The following SETX variants were observed in gnomAD, a reference collection of about 807,000 sequenced individuals.
The protein encoded by SETX is senataxin, also known as helicase senataxin.
SETX carries 90 observed loss-of-function variants against 227.2 expected under a neutral mutation model. The observed-to-expected ratio is 0.40, with a 90% CI of 0.33 to 0.47. SETX has a LOEUF of 0.47. Among genes scored for constraint, SETX ranks in the 20% least tolerant of loss-of-function variants. The pLI is 0.91. For missense variants in SETX, 3,052 were observed against 3,181.5 expected, an observed-to-expected ratio of 0.96 and a Z score of 0.98; for synonymous variants, 1,210 against 1,113.2, an observed-to-expected ratio of 1.09 and a Z score of -1.73.
intron 3 of SETX, 103 bp from the exon 4 acceptor site, chr9:132,346,574 A>T: frequency 1.2e-6 from 1 of 808,046 alleles, no homozygotes; most frequent in South Asian, 1.5e-5. Flanking sequence ...AAAAATTCTG[A>T]AATGTAAAGT....
rs576417621 is a variant in SETX, at chr9:132,327,421, T to C, written c.4177A>G (p.Arg1393Gly). 3.1e-6 allele frequency: 5 copies of C among 1,613,988 alleles called. No individual in the cohort carries two copies. Among genetic ancestry groups the C allele is most frequent in the East Asian group, 4.5e-5 (2 of 44,894 alleles). ...CCTCCTGTACAATTATAATCTGACC[T>C]ATCAGATTCTGGTACAAATATGTCA... ...NSDIFVPESDRSDYNCTGGTE... is the reference protein window; with the variant it reads ...NSDIFVPESDGSDYNCTGGTE... Residue 1393 changes from arginine to glycine, a missense_variant, in exon 10 of 26, where the codon AGG becomes GGG. By Grantham distance (125) the Arg-to-Gly change is moderately radical. Around this residue, in one of 10 missense-constraint regions of SETX, gnomAD observed 1,483 missense variants for 1,312.0 expected, o/e 1.13. Transcript: ENST00000224140.
intron 17 of SETX, 130 bp downstream of exon 17, chr9:132,288,106 G>T (rs1844030954): frequency 2.8e-6 from 2 of 723,318 alleles, no homozygotes; most frequent in South Asian, 3.1e-5. Flanking sequence ...AACCCAGGAA[G>T]GTGAGGCTGC....
At chr9:132,277,228 T>G in intron 21 of SETX, 76 bp from the exon 22 acceptor site, 1 of 1,372,558 alleles carries the variant, frequency 7.3e-7, no homozygotes, top group South Asian at 1.2e-5. Context: ...TACTACAATT[T>G]TTTCTGTGTG....
chr9:132,320,686 C>T (rs377746024), intron 10 of SETX, among the ~76,000 whole-genome samples: 5 of 149,878 alleles, frequency 3.3e-5, no homozygotes, highest in African/African-American at 7.4e-5. Flanking sequence ...TTAAATAAGA[C>T]GGTTGAAATC....
chr9:132,345,310 G>A (rs1248112743), intron 4 of SETX, among the ~76,000 whole-genome samples: 3 of 152,214 alleles, frequency 2.0e-5, no homozygotes, highest in East Asian at 3.8e-4. Context: ...GTCTCTGTCT[G>A]TCACCCAGGC....
chr9:132,310,972 T>C (rs1261345074), intron 11 of SETX, among the ~76,000 whole-genome samples: 2 of 152,122 alleles, frequency 1.3e-5, no homozygotes, highest in Non-Finnish European at 2.9e-5. Flanking sequence ...TTGTTTTTTG[T>C]TTTTGTTTTG....
At chr9:132,317,140 C>A (rs1401225000) in intron 10 of SETX, among the ~76,000 whole-genome samples, 1 of 152,148 alleles carries the variant, frequency 6.6e-6, no homozygotes, top group Non-Finnish European at 1.5e-5. Context: ...AAGTGTTTTC[C>A]ATAAGTGTCT....
rs752617097 is a variant in SETX at position 132,264,530 on chromosome 9, G to A, written c.7743C>T (p.His2581=). The A allele has an allele frequency of 1.9e-6, 3 of 1,614,004 alleles. No individual in the cohort carries two copies. The highest frequency in any genetic ancestry group is 2.2e-5 in the South Asian group (2 of 91,082). ...GCTGCTGTATATGGCTCAGGTCCTGGTGAACGACAGGGAAGCCCGGCTCGC... is the reference window on the plus strand; with the variant it reads ...GCTGCTGTATATGGCTCAGGTCCTGATGAACGACAGGGAAGCCCGGCTCGC... ...PTGEPGFPVV[H]QDLSHIQQPA... is the part of the protein sequence containing the mutation. The change falls in exon 26 of 26, where the codon CAC becomes CAT. Residue 2581 remains histidine, a synonymous_variant. Transcript: ENST00000224140.
In SETX at chr9:132,283,375, G is replaced by A. The variant is rs374110190; in HGVS notation, c.6435C>T (p.Ile2145=). ...TGCAGCAGATGATATGGGACTCTAA[G>A]ATGATGATACTCTGTGTTTTCTGTG... The part of the protein sequence containing the change: ...GRPQKTQSII[I]LESHIICCTL... The change falls in exon 19 of 26, where the codon ATC becomes ATT. Residue 2145 remains isoleucine, a synonymous_variant. Transcript: ENST00000224140. The A allele has an allele frequency of 1.2e-4, 195 of 1,614,074 alleles. No individual in the cohort carries two copies. The highest frequency in any genetic ancestry group is 1.6e-4 in the Non-Finnish European group (185 of 1,180,044).
chr9:132,325,468 G>A (rs1030372140), intron 10 of SETX, among the ~76,000 whole-genome samples: 1 of 152,196 alleles, frequency 6.6e-6, no homozygotes, highest in Non-Finnish European at 1.5e-5. Context: ...ACCTCCTCAA[G>A]AAAACTACAG....
intron 17 of SETX, 23 bp from the exon 18 acceptor site, chr9:132,286,517 C>G: frequency 6.4e-7 from 1 of 1,555,016 alleles, no homozygotes; most frequent in Non-Finnish European, 8.9e-7. Flanking sequence ...TCAAATGTCA[C>G]AATTAAAACT....
chr9:132,308,605 T>G (rs1426911381), intron 11 of SETX, among the ~76,000 whole-genome samples: 1 of 152,206 alleles, frequency 6.6e-6, no homozygotes, highest in Non-Finnish European at 1.5e-5. Context: ...TGACTTATTT[T>G]TAAGCTCTTA....
At chr9:132,272,926 C>CT (rs1180806250) in intron 23 of SETX, among the ~76,000 whole-genome samples, 2 of 152,066 alleles carry the variant, frequency 1.3e-5, no homozygotes, top group African/African-American at 4.8e-5. Context: ...ATCCAACTGC[C>CT]TTTTTTACAG....
chr9:132,326,243 C>T, intron 10 of SETX, 81 bp downstream of exon 10: 6 of 1,129,182 alleles, frequency 5.3e-6, no homozygotes, highest in Non-Finnish European at 5.2e-6. Context: ...ATTTTTTGAA[C>T]TATACTCTCA....
At position 132,341,245 on chromosome 9, in the gene SETX, A is replaced by T. The variant is rs183563496; in HGVS notation, c.498+1445T>A. On this transcript the variant is annotated intron_variant, in intron 5 of 25. Transcript: ENST00000224140. ...AAAATAAAATATAATAATAAAAAAA[A>T]TTTTTTTTAATAAACCAGCCCTTGT... is the stretch of plus-strand genomic sequence containing the variant. 4.3e-3 allele frequency among the ~76,000 whole-genome samples: 658 copies of T among 152,028 alleles called. 2 individuals carry two copies. Among genetic ancestry groups the T allele is most frequent in the Middle Eastern group, 0.014 (4 of 294 alleles).
At chr9:132,352,647 A>C (rs1040657621) in intron 2 of SETX, among the ~76,000 whole-genome samples, 4 of 152,116 alleles carry the variant, frequency 2.6e-5, no homozygotes, top group African/African-American at 9.7e-5. Context: ...GCTACTGGGG[A>C]GGTTGAGTGA....
rs375291473 is a variant in SETX, at chr9:132,331,474, A to C, written c.839-26T>G. The C allele has an allele frequency of 1.2e-4, 192 of 1,610,534 alleles. No homozygotes were observed. Among genetic ancestry groups the C allele is most frequent in the Middle Eastern group, 1.6e-4 (1 of 6,078 alleles). On this transcript the variant is annotated intron_variant, in intron 7 of 25. Coordinates refer to ENST00000224140, the MANE Select transcript of SETX (RefSeq NM_015046.7). ...CTGAAATACAATGGCACAATCGTTG[A>C]ATTACTAAACAGTTAGAAAAACATA...
chr9:132,281,345 T>C, intron 20 of SETX, 122 bp downstream of exon 20: 1 of 708,072 alleles, frequency 1.4e-6, no homozygotes, highest in South Asian at 1.6e-5. Context: ...CTTTTCTTAG[T>C]TACTGCTTAC....
At chr9:132,346,118 A>C (rs929137955) in intron 4 of SETX, 143 bp downstream of exon 4, 1 of 701,938 alleles carries the variant, frequency 1.4e-6, no homozygotes, top group African/African-American at 1.8e-5. Flanking sequence ...AAAAAATAAA[A>C]AACGTTGGAA....
Sources: gnomAD v4.1 joint callset for allele counts (sites outside exome capture counted in the v4.1 genomes callset) on GRCh38, gnomAD v4.1.1 for gene constraint, gnomAD v4.1.1 regional missense constraint, MANE v1.5 for transcripts, NCBI Gene and HGNC (gene_info 2026-07-23, HGNC 2026-07-21) for gene names.